TPO: variants seen among roughly 807,000 people sequenced by gnomAD.
The protein encoded by TPO is thyroid peroxidase.
TPO carries 78 observed loss-of-function variants against 96.9 expected under a neutral mutation model. The observed-to-expected ratio is 0.81, with a 90% confidence interval of 0.67 to 0.97. The LOEUF (loss-of-function observed/expected upper bound fraction) is 0.97. Ranked by LOEUF, TPO falls within the 50% of genes least tolerant of loss-of-function variation. The pLI is 0.00. For missense variants in TPO, 1,252 were observed against 1,274.8 expected, an observed-to-expected ratio of 0.98 and a Z score of 0.27; for synonymous variants, 547 against 538.0, an observed-to-expected ratio of 1.02 and a Z score of -0.23.
At chr2:1,443,201 G>A (rs1034911410) in intron 5 of TPO, among the ~76,000 whole-genome samples, 7 of 152,170 alleles carry the variant, frequency 4.6e-5, no homozygotes, top group African/African-American at 1.7e-4. Context: ...TGTAGGCAAT[G>A]CCGCAGGAGG....
chr2:1,450,377 G>A (rs1198106143), intron 5 of TPO, among the ~76,000 whole-genome samples: 2 of 152,184 alleles, frequency 1.3e-5, no homozygotes, highest in African/African-American at 2.4e-5. Context: ...CTGGGAGAGG[G>A]GAACTAGGGT....
chr2:1,400,759 TC>T (rs1662155505), intron 1 of TPO, among the ~76,000 whole-genome samples: 1 of 152,208 alleles, frequency 6.6e-6, no homozygotes, highest in South Asian at 2.1e-4. Context: ...AAGATTTTTA[TC>T]AGCAAGAATT....
In TPO at chr2:1,451,062, C is replaced by T. The variant is rs190670921; in HGVS notation, c.483-2632C>T. On this transcript the variant is annotated intron_variant, in intron 5 of 16. Coordinates refer to ENST00000329066, the MANE Select transcript of TPO (RefSeq NM_001206744.2). Reference sequence around the variant, plus strand: ...GAGAAGTAACCATGTCCCCAAGCCTCCTGCCGCTGCTGACCACTCATCATC... The same window carrying T: ...GAGAAGTAACCATGTCCCCAAGCCTTCTGCCGCTGCTGACCACTCATCATC... Among the ~76,000 whole-genome samples the T allele has an allele frequency of 3.9e-5, 6 of 152,320 alleles. No individual in the cohort carries two copies. The East Asian group carries it at 1.2e-3, about 29-fold the overall frequency.
rs1449942623 is a variant in TPO, at chr2:1,486,942, C to G, written c.1598-879C>G. ...GGCATTTGAAGACACCCAGGTCATCCCACACAGGACGATGCATGTCGTGAT... is the reference window on the plus strand; with the variant it reads ...GGCATTTGAAGACACCCAGGTCATCGCACACAGGACGATGCATGTCGTGAT... On this transcript the variant is annotated intron_variant, in intron 9 of 16. Transcript: ENST00000329066. Among the ~76,000 whole-genome samples the G allele has an allele frequency of 2.0e-5, 3 of 152,310 alleles. No homozygotes were observed. The East Asian group carries it at 5.8e-4, about 29-fold the overall frequency.
exon 1 of TPO, chr2:1,374,386 T>A (rs1192310102): frequency 6.6e-6 from 1 of 152,232 alleles, no homozygotes; most frequent in African/African-American, 2.4e-5. Flanking sequence ...GGCGGCCCAC[T>A]ACCCACCGTC....
At chr2:1,504,782 C>A (rs1395657196) in intron 14 of TPO, among the ~76,000 whole-genome samples, 1 of 152,194 alleles carries the variant, frequency 6.6e-6, no homozygotes, top group East Asian at 1.9e-4. Context: ...GGTCACACAG[C>A]CACTCCGTAG....
At chr2:1,435,176 A>G (rs1573170466) in intron 4 of TPO, among the ~76,000 whole-genome samples, 1 of 151,944 alleles carries the variant, frequency 6.6e-6, no homozygotes, top group African/African-American at 2.4e-5. Flanking sequence ...CTCGTAATCC[A>G]CCCTCTTTGG....
At chr2:1,479,782 C>CCTA (rs959462182) in intron 8 of TPO, among the ~76,000 whole-genome samples, 1 of 139,036 alleles carries the variant, frequency 7.2e-6, no homozygotes, top group African/African-American at 2.6e-5. Context: ...TTCTTCTTCT[C>CCTA]CTTCTTCTTC....
chr2:1,532,510 G>A (rs1327825647), intron 15 of TPO, among the ~76,000 whole-genome samples: 1 of 52,858 alleles, frequency 1.9e-5, no homozygotes, highest in East Asian at 5.1e-4. Flanking sequence ...CAAAACCCCC[G>A]CCACTCTGAG....
chr2:1,395,252 T>C (rs1286474461), intron 1 of TPO, among the ~76,000 whole-genome samples: 1 of 152,062 alleles, frequency 6.6e-6, no homozygotes, highest in East Asian at 1.9e-4. Flanking sequence ...AAGAAACTCA[T>C]TTCCCCAACC....
intron 4 of TPO, among the ~76,000 whole-genome samples, chr2:1,434,843 A>C (rs2361754): frequency 0.87 from 132,701 of 152,230 alleles, 57,946 homozygotes; most frequent in South Asian, 0.93. Context: ...CATCACCAAG[A>C]CAGAATTCCA....
At chr2:1,381,475 T>C (rs1661810965) in intron 1 of TPO, among the ~76,000 whole-genome samples, 1 of 152,130 alleles carries the variant, frequency 6.6e-6, no homozygotes, top group Non-Finnish European at 1.5e-5. Context: ...GAGGGGGTGG[T>C]GCCAGATACT....
intron 3 of TPO, among the ~76,000 whole-genome samples, chr2:1,427,979 G>A (rs943025346): frequency 7.9e-5 from 12 of 152,302 alleles, no homozygotes; most frequent in Admixed American, 5.9e-4. Flanking sequence ...ATCAAATGAA[G>A]CTATTGGATG....
chr2:1,535,604 TGCCCCGCAGTGTACA>T (rs1276558273), intron 15 of TPO, among the ~76,000 whole-genome samples: 1 of 53,290 alleles, frequency 1.9e-5, no homozygotes, highest in Non-Finnish European at 3.5e-5. Context: ...CTCCTCAAAT[TGCCCCGCAGTGTACA>T]ACCTCCTCAA....
chr2:1,521,027 C>A (rs1675200918), intron 15 of TPO, among the ~76,000 whole-genome samples: 1 of 152,164 alleles, frequency 6.6e-6, no homozygotes, highest in Non-Finnish European at 1.5e-5. Flanking sequence ...TCACTTAGTT[C>A]TGCAATTTCT....
chr2:1,397,179 C>T (rs1573059140), intron 1 of TPO, among the ~76,000 whole-genome samples: 2 of 152,306 alleles, frequency 1.3e-5, no homozygotes, highest in South Asian at 2.1e-4. Context: ...AGTTCACATA[C>T]AGGAGCCTCA....
chr2:1,433,367 TTAATTAG>T, intron 3 of TPO, 64 bp from the exon 4 acceptor site: 1 of 1,581,558 alleles, frequency 6.3e-7, no homozygotes, highest in Non-Finnish European at 8.7e-7. Flanking sequence ...GTCTGCTTAA[TTAATTAG>T]TAATTAAGTA....
At chr2:1,538,481 AAAT>A (rs1273656799) in intron 15 of TPO, among the ~76,000 whole-genome samples, 1 of 152,096 alleles carries the variant, frequency 6.6e-6, no homozygotes, top group Non-Finnish European at 1.5e-5. Flanking sequence ...TGAATATAGA[AAAT>A]AATTTAAAAA....
rs149959495 is a variant in TPO, at chr2:1,434,220, A to G, written c.349+613A>G. ...GGTAATGCAGGCATTCAAAAGTCAT[A>G]TTGGTGCTTCCTATGATGCAGAGCA... On this transcript the variant is annotated intron_variant, in intron 4 of 16. Coordinates refer to ENST00000329066, the MANE Select transcript of TPO (RefSeq NM_001206744.2). Among the ~76,000 whole-genome samples the G allele has an allele frequency of 7.4e-3, 1,130 of 152,326 alleles. 15 individuals are homozygous for G. Among genetic ancestry groups the G allele is most frequent in the Middle Eastern group, 0.041 (12 of 294 alleles).
Sources: gnomAD v4.1 joint callset for allele counts (sites outside exome capture counted in the v4.1 genomes callset) on GRCh38, gnomAD v4.1.1 for gene constraint, MANE v1.5 for transcripts, NCBI Gene and HGNC (gene_info 2026-07-23, HGNC 2026-07-21) for gene names.